Variants in NSMCE2 observed in about 807,000 individuals in gnomAD.
NSMCE2 encodes NSE2 SUMO ligase component of SMC5/6 complex, also known as E3 SUMO-protein ligase NSE2.
A neutral mutation model predicts 23.8 loss-of-function variants in NSMCE2; 24 were observed. The observed-to-expected ratio is 1.01, with a 90% CI of 0.73 to 1.42. The LOEUF (loss-of-function observed/expected upper bound fraction) is 1.42. NSMCE2 is among the 40% of genes most tolerant of loss of function. NSMCE2 has a pLI of 0.00. For missense variants in NSMCE2, 284 were observed against 296.5 expected, an observed-to-expected ratio of 0.96 and a Z score of 0.31; for synonymous variants, 92 against 94.1, an observed-to-expected ratio of 0.98 and a Z score of 0.13.
intron 3 of NSMCE2, among the ~76,000 whole-genome samples, chr8:125,125,712 A>G (rs1281568263): frequency 6.6e-6 from 1 of 152,218 alleles, no homozygotes; most frequent in African/African-American, 2.4e-5. Flanking sequence ...TGTGAAAGCT[A>G]ACAGGTTAGT....
Position 125,141,231 on chromosome 8 carries a change from C to CT in NSMCE2, c.158-9939dup, listed in dbSNP as rs1311341185. On this transcript the variant is annotated intron_variant, in intron 3 of 7. Coordinates refer to ENST00000287437, the MANE Select transcript of NSMCE2 (RefSeq NM_173685.4). ...CAAAGATGTCGTGGTCTCCATCACT[C>CT]TGAGGTAGAGCAATTTATTTAAGTC... Among the ~76,000 whole-genome samples the CT allele has an allele frequency of 2.6e-5, 4 of 152,322 alleles. No individual in the cohort carries two copies. In the East Asian group the frequency reaches 7.7e-4, roughly 29 times the overall value.
At chr8:125,211,212 C>T (rs1313290816) in intron 5 of NSMCE2, among the ~76,000 whole-genome samples, 1 of 152,112 alleles carries the variant, frequency 6.6e-6, no homozygotes, top group Non-Finnish European at 1.5e-5. Flanking sequence ...GTGATACATG[C>T]ACATAGTACA....
intron 3 of NSMCE2, among the ~76,000 whole-genome samples, chr8:125,117,854 G>A (rs761536169): frequency 1.1e-4 from 17 of 152,152 alleles, no homozygotes; most frequent in South Asian, 2.1e-4. Flanking sequence ...ATATAAATGC[G>A]TTAGTAACTG....
At position 125,366,659 on chromosome 8, in the gene NSMCE2, G is replaced by T; in HGVS notation, c.627-109G>T. 4 of 717,012 alleles carry T rather than the reference G, an allele frequency of 5.6e-6. No individual in the cohort carries two copies. The South Asian group carries it at 6.7e-5, about 12-fold the overall frequency. 44.4% of individuals were successfully genotyped at this position (717,012 alleles called of 1,614,324 possible). ...ATGAGCACAGCTTGGTCCTGATTTTGACACTTTTCCTTTTTCAGTAAAATG... is the reference window on the plus strand; with the variant it reads ...ATGAGCACAGCTTGGTCCTGATTTTTACACTTTTCCTTTTTCAGTAAAATG... On this transcript the variant is annotated intron_variant, in intron 7 of 7. Transcript: ENST00000287437.
chr8:125,174,989 T>C (rs1822408957), intron 4 of NSMCE2, among the ~76,000 whole-genome samples: 1 of 152,214 alleles, frequency 6.6e-6, no homozygotes, highest in Non-Finnish European at 1.5e-5. Context: ...GTATGTGTGA[T>C]TTTTAAATAG....
intron 5 of NSMCE2, among the ~76,000 whole-genome samples, chr8:125,228,400 A>C (rs185318329): frequency 5.3e-5 from 8 of 152,148 alleles, no homozygotes; most frequent in Non-Finnish European, 8.8e-5. Context: ...ATGGTAACAT[A>C]TGTAAATATG....
intron 3 of NSMCE2, among the ~76,000 whole-genome samples, chr8:125,145,058 A>G (rs566874272): frequency 5.3e-5 from 8 of 152,324 alleles, no homozygotes; most frequent in African/African-American, 1.9e-4. Flanking sequence ...TATTATGTAA[A>G]TATTAGAGCA....
At chr8:125,247,825 T>C (rs1474315740) in intron 5 of NSMCE2, among the ~76,000 whole-genome samples, 1 of 152,120 alleles carries the variant, frequency 6.6e-6, no homozygotes, top group Non-Finnish European at 1.5e-5. Context: ...AGGAAAGCCA[T>C]TTTCAGTCAT....
chr8:125,255,966 A>C (rs1233252768), intron 5 of NSMCE2, among the ~76,000 whole-genome samples: 2 of 151,830 alleles, frequency 1.3e-5, no homozygotes, highest in Non-Finnish European at 2.9e-5. Context: ...GGTGGTTTTA[A>C]AAAGAAGTAT....
At chr8:125,259,913 T>G (rs1402414298) in intron 5 of NSMCE2, among the ~76,000 whole-genome samples, 5 of 152,226 alleles carry the variant, frequency 3.3e-5, no homozygotes, top group Admixed American at 1.3e-4. Context: ...TATGCCACAC[T>G]GCAGTTTTGG....
At chr8:125,327,015 C>T (rs1829692332) in intron 5 of NSMCE2, among the ~76,000 whole-genome samples, 1 of 150,682 alleles carries the variant, frequency 6.6e-6, no homozygotes, top group South Asian at 2.1e-4. Context: ...GTAATCCCAG[C>T]ACTTTGGGAG....
chr8:125,107,878 A>C (rs1417553133), intron 3 of NSMCE2, among the ~76,000 whole-genome samples: 1 of 152,040 alleles, frequency 6.6e-6, no homozygotes, highest in Non-Finnish European at 1.5e-5. Context: ...TACAAAACAT[A>C]CAAAAATTAG....
intron 5 of NSMCE2, among the ~76,000 whole-genome samples, chr8:125,235,522 C>A (rs1825506636): frequency 1.3e-5 from 2 of 151,964 alleles, no homozygotes; most frequent in Admixed American, 6.6e-5. Flanking sequence ...ATGCATACAC[C>A]CACACCTGTG....
chr8:125,323,191 C>T (rs945541028), intron 5 of NSMCE2, among the ~76,000 whole-genome samples: 2 of 152,148 alleles, frequency 1.3e-5, no homozygotes, highest in Admixed American at 1.3e-4. Flanking sequence ...TTAATGAATT[C>T]GAAAACTCAA....
In NSMCE2 at chr8:125,257,864, A is replaced by G. The variant is rs187151983; in HGVS notation, c.418+75608A>G. On this transcript the variant is annotated intron_variant, in intron 5 of 7. Transcript: ENST00000287437. ...AAACCAAATGTCAATGGATAAGTGCATGGAAAGTAAGAAAATAGACACCAA... is the reference window on the plus strand; with the variant it reads ...AAACCAAATGTCAATGGATAAGTGCGTGGAAAGTAAGAAAATAGACACCAA... Among the ~76,000 whole-genome samples, 194 of 152,272 alleles carry G rather than the reference A, an allele frequency of 1.3e-3. 1 individual carries two copies. The highest frequency in any genetic ancestry group is 4.5e-3 in the African/African-American group (185 of 41,560).
rs1823729844 is a variant in NSMCE2 at position 125,198,591 on chromosome 8, A to G, written c.418+16335A>G. On this transcript the variant is annotated intron_variant, in intron 5 of 7. Transcript: ENST00000287437. ...GATGTGCTGCTGGATTCGATTTGCC[A>G]GTATTTTACTGAGGATTTTCACATC... is the stretch of plus-strand genomic sequence containing the variant. 3.3e-5 allele frequency among the ~76,000 whole-genome samples: 5 copies of G among 152,328 alleles called. No homozygotes were observed. In the South Asian group the frequency reaches 6.2e-4, roughly 19 times the overall value.
intron 5 of NSMCE2, among the ~76,000 whole-genome samples, chr8:125,324,670 G>C (rs1415684101): frequency 9.9e-6 from 1 of 101,284 alleles, no homozygotes; most frequent in African/African-American, 2.9e-5. Flanking sequence ...CGCCTCCCGG[G>C]TTCACGCCAT....
chr8:125,157,237 G>A (rs1821371041), intron 4 of NSMCE2, among the ~76,000 whole-genome samples: 2 of 152,234 alleles, frequency 1.3e-5, no homozygotes, highest in South Asian at 2.1e-4. Context: ...GGAGGTGACA[G>A]GAGAGTGAAA....
intron 5 of NSMCE2, among the ~76,000 whole-genome samples, chr8:125,345,573 G>A (rs1830402638): frequency 6.6e-6 from 1 of 152,222 alleles, no homozygotes; most frequent in African/African-American, 2.4e-5. Context: ...AGGGAAGATA[G>A]AGAAGTAAAC....
Sources: allele counts gnomAD v4.1 joint callset (sites outside exome capture counted in the v4.1 genomes callset), GRCh38; gene constraint gnomAD v4.1.1; transcripts MANE v1.5; gene names NCBI Gene and HGNC (gene_info 2026-07-23, HGNC 2026-07-21).